KIF3B: variants seen among roughly 807,000 people sequenced by gnomAD.
KIF3B encodes the protein kinesin family member 3B, also known as kinesin-like protein KIF3B.
Under a neutral mutation model 74.3 loss-of-function variants are expected in KIF3B, and 38 were observed. The observed-to-expected ratio is 0.51, with a 90% confidence interval of 0.39 to 0.67. KIF3B has a LOEUF of 0.67. Ranked by LOEUF, KIF3B falls within the 30% of genes least tolerant of loss-of-function variation. The pLI is 0.00. For missense variants in KIF3B, 649 were observed against 932.0 expected (o/e 0.70, Z 3.95); for synonymous variants, 326 against 342.5 (o/e 0.95, Z 0.53).
intron 5 of KIF3B, among the ~76,000 whole-genome samples, chr20:32,323,736 G>C (rs2047888816): frequency 6.6e-6 from 1 of 151,924 alleles, no homozygotes; most frequent in African/African-American, 2.4e-5. Flanking sequence ...GAATTAGCTG[G>C]GTGTGGTGGC....
At chr20:32,295,388 G>A (rs1569192152) in intron 1 of KIF3B, among the ~76,000 whole-genome samples, 1 of 151,924 alleles carries the variant, frequency 6.6e-6, no homozygotes, top group Non-Finnish European at 1.5e-5. Flanking sequence ...CGCCTCCCGG[G>A]TTCACACCAT....
intron 1 of KIF3B, among the ~76,000 whole-genome samples, chr20:32,300,080 T>C (rs1431233329): frequency 2.2e-5 from 1 of 45,076 alleles, no homozygotes; most frequent in Non-Finnish European, 4.4e-5. Context: ...TGGCCTGTTT[T>C]GTTTTGTTTT....
At chr20:32,317,062 C>G (rs1384831808) in intron 5 of KIF3B, among the ~76,000 whole-genome samples, 188 bp downstream of exon 5, 1 of 152,146 alleles carries the variant, frequency 6.6e-6, no homozygotes, top group Admixed American at 6.6e-5. Context: ...ATGGTGAAAC[C>G]CCGTCTCTAC....
chr20:32,308,086 A>G (rs1039620705), intron 1 of KIF3B, among the ~76,000 whole-genome samples: 28 of 151,692 alleles, frequency 1.8e-4, no homozygotes, highest in Non-Finnish European at 3.1e-4. Flanking sequence ...AATACAAAAA[A>G]TTAGCCGGGC....
intron 1 of KIF3B, among the ~76,000 whole-genome samples, chr20:32,301,317 G>A (rs772025411): frequency 2.4e-4 from 36 of 150,864 alleles, no homozygotes; most frequent in Admixed American, 4.0e-4. Flanking sequence ...CGCCCGCCTC[G>A]GCCTCCCAAA....
chr20:32,290,170 G>A (rs994769667), intron 1 of KIF3B, among the ~76,000 whole-genome samples: 2 of 152,060 alleles, frequency 1.3e-5, no homozygotes, highest in South Asian at 2.1e-4. Context: ...AACACCTGAG[G>A]TCAGGAATTC....
In KIF3B at chr20:32,310,160, C is replaced by G; in HGVS notation, c.383C>G (p.Thr128Ser). The G allele has an allele frequency of 6.2e-7, 1 of 1,613,350 alleles. No individual in the cohort carries two copies. ...VIPNSFDHIF[T>S]HISRSQNQQY... ...CCTAACTCATTTGACCATATCTTCA[C>G]CCACATCTCTCGATCCCAGAATCAA... The change falls in exon 2 of 9, where the codon ACC (threonine) becomes AGC (serine). Residue 128 changes from threonine (T) to serine (S), a missense_variant. Thr to Ser is a moderately conservative substitution (Grantham distance 58). Transcript: ENST00000375712. The surrounding 1 kb of genome is among the most constrained non-coding windows in gnomAD (Gnocchi z 6.5).
At chr20:32,300,040 T>C (rs1489805912) in intron 1 of KIF3B, among the ~76,000 whole-genome samples, 1 of 152,052 alleles carries the variant, frequency 6.6e-6, no homozygotes, top group Non-Finnish European at 1.5e-5. Context: ...CCTCCCAAAG[T>C]ACTGGGGTTA....
chr20:32,325,651 CTCTCTTTTTTTTT>C (rs1413780077), intron 5 of KIF3B, among the ~76,000 whole-genome samples: 5 of 101,080 alleles, frequency 4.9e-5, no homozygotes, highest in African/African-American at 7.4e-5. Context: ...CTCTCTCTCT[CTCTCTTTTTTTTT>C]TTTTTTTTTT....
intron 5 of KIF3B, among the ~76,000 whole-genome samples, chr20:32,322,682 A>ATATATATT (rs1164199881): frequency 6.3e-5 from 2 of 31,640 alleles, no homozygotes; most frequent in African/African-American, 6.2e-4. Context: ...TTATATATTT[A>ATATATATT]TATATATTTA....
At chr20:32,304,616 C>G (rs2047760319) in intron 1 of KIF3B, among the ~76,000 whole-genome samples, 4 of 152,094 alleles carry the variant, frequency 2.6e-5, no homozygotes, top group Non-Finnish European at 5.9e-5. Flanking sequence ...AATAAAGCAG[C>G]TCTGTATTTA....
In KIF3B at chr20:32,304,878, C is replaced by T. The variant is rs1256368973; in HGVS notation, c.-65-4835C>T. Among the ~76,000 whole-genome samples, 7 of 151,838 alleles carry T rather than the reference C, an allele frequency of 4.6e-5. No individual in the cohort carries two copies. The East Asian group carries it at 5.8e-4, about 13-fold the overall frequency. ...AAAAACAGCCAGGCATGGTGGCTCACGCCTGTAATCCCACCACTTTGGGAG... is the reference window on the plus strand; with the variant it reads ...AAAAACAGCCAGGCATGGTGGCTCATGCCTGTAATCCCACCACTTTGGGAG... On this transcript the variant is annotated intron_variant, in intron 1 of 8. Transcript: ENST00000375712.
In KIF3B at chr20:32,316,875, G is replaced by T; in HGVS notation, c.1748+1G>T. 1.2e-6 allele frequency: 2 copies of T among 1,603,366 alleles called. No homozygotes were observed. The highest frequency in any genetic ancestry group is 1.7e-6 in the Non-Finnish European group (2 of 1,170,418). On this transcript the variant is annotated splice_donor_variant, in intron 5 of 8. Coordinates refer to ENST00000375712, the MANE Select transcript of KIF3B (RefSeq NM_004798.4). LOFTEE classifies it high-confidence loss of function. ...AGCTCACCAGGGAGCTGAAACTCAA[G>T]TAAGTGCCAGGCCTTCCATAGTGCC... is the stretch of plus-strand genomic sequence containing the variant.
At position 32,316,885 on chromosome 20, in the gene KIF3B, G is replaced by C. The variant is rs2047830374; in HGVS notation, c.1748+11G>C. 1 of 1,583,460 alleles carries C rather than the reference G, an allele frequency of 6.3e-7. No homozygotes were observed. Among genetic ancestry groups the C allele is most frequent in the Admixed American group, 1.7e-5 (1 of 59,972 alleles). ...GGAGCTGAAACTCAAGTAAGTGCCAGGCCTTCCATAGTGCCCCCAAGCCAC... is the reference window on the plus strand; with the variant it reads ...GGAGCTGAAACTCAAGTAAGTGCCACGCCTTCCATAGTGCCCCCAAGCCAC... On this transcript the variant is annotated intron_variant, in intron 5 of 8. Transcript: ENST00000375712.
At chr20:32,308,726 CTT>C (rs72491023) in intron 1 of KIF3B, among the ~76,000 whole-genome samples, 5 of 130,482 alleles carry the variant, frequency 3.8e-5, no homozygotes, top group Non-Finnish European at 3.3e-5. Flanking sequence ...TTTTATTTTA[CTT>C]TTTTTTTTTT....
At chr20:32,309,586 G>A (rs1482031836) in intron 1 of KIF3B, 127 bp from the exon 2 acceptor site, 2 of 610,518 alleles carry the variant, frequency 3.3e-6, no homozygotes, top group Non-Finnish European at 2.8e-6. Flanking sequence ...GAAATATACA[G>A]TGTAGTAAAG....
chr20:32,283,070 C>T (rs1272646213), intron 1 of KIF3B, among the ~76,000 whole-genome samples: 1 of 152,158 alleles, frequency 6.6e-6, no homozygotes, highest in African/African-American at 2.4e-5. Context: ...GGGACTCCCT[C>T]TGTCACCCAG....
At position 32,316,598 on chromosome 20, in the gene KIF3B, A is replaced by G. The variant is rs1402583224; in HGVS notation, c.1578A>G (p.Thr526=). The G allele has an allele frequency of 1.4e-5, 22 of 1,614,048 alleles. No homozygotes were observed. In the Admixed American group the frequency reaches 2.7e-4, roughly 20 times the overall value. The change falls in exon 4 of 9, where the codon ACA becomes ACG. Residue 526 remains threonine (T), a synonymous_variant. Coordinates refer to ENST00000375712, the MANE Select transcript of KIF3B (RefSeq NM_004798.4). ...AGGAGACCTTGGAACTTAAAGAGAC[A>G]TACAGCTCATTGCAGCAAGAGGTGG... ...RDEETLELKE[T]YSSLQQEVDI... is the part of the protein sequence containing the mutation.
chr20:32,309,677 C>T (rs944746003), intron 1 of KIF3B, 36 bp from the exon 2 acceptor site: 57 of 1,345,626 alleles, frequency 4.2e-5, no homozygotes, highest in East Asian at 1.2e-4. Flanking sequence ...GCAATGACAA[C>T]GGTACTGTGC....
Sources: allele counts gnomAD v4.1 joint callset (sites outside exome capture counted in the v4.1 genomes callset), GRCh38; gene constraint gnomAD v4.1.1; non-coding constraint Gnocchi (gnomAD v3.1); transcripts MANE v1.5; gene names NCBI Gene and HGNC (gene_info 2026-07-23, HGNC 2026-07-21).